Variants in RBFOX1 observed in about 807,000 individuals in gnomAD.
RBFOX1 encodes the protein RNA binding fox-1 homolog 1.
In RBFOX1, 8 loss-of-function variants were observed where a neutral mutation model predicts 57.7. That is an observed-to-expected ratio of 0.14 (90% CI 0.08 to 0.25). The LOEUF (loss-of-function observed/expected upper bound fraction) is 0.25, where lower values mean the gene tolerates loss of function less well. Among genes scored for constraint, RBFOX1 ranks in the 10% least tolerant of loss-of-function variants. The probability of loss-of-function intolerance (pLI) is 1.00; values close to 1 mark genes in which losing one functional copy is unlikely to be tolerated. For synonymous variants in RBFOX1, 326 were observed against 222.4 expected (o/e 1.47, Z -4.15); for missense variants, 611 against 548.5 (o/e 1.11, Z -1.14).
chr16:6,288,170 A>T (rs1047696610), intron 1 of RBFOX1, among the ~76,000 whole-genome samples: 3 of 152,172 alleles, frequency 2.0e-5, no homozygotes, highest in Admixed American at 1.3e-4. Context: ...TTAATAATGT[A>T]TCTCTATGTT....
intron 4 of RBFOX1, among the ~76,000 whole-genome samples, chr16:7,080,059 T>TTATATATATATATATACATA (rs201835325): frequency 3.0e-4 from 41 of 135,242 alleles, no homozygotes; most frequent in African/African-American, 9.5e-4. Context: ...TATATACATA[T>TTATATATATATATATACATA]TATATATATA....
chr16:7,285,129 A>C (rs2095624335), intron 4 of RBFOX1, among the ~76,000 whole-genome samples: 2 of 83,064 alleles, frequency 2.4e-5, no homozygotes, highest in African/African-American at 8.7e-5. Context: ...TATCCTTTAT[A>C]GCATTTACCA....
chr16:7,238,108 T>G (rs1185948646), intron 4 of RBFOX1, among the ~76,000 whole-genome samples: 1 of 152,236 alleles, frequency 6.6e-6, no homozygotes, highest in African/African-American at 2.4e-5. Flanking sequence ...ATTGCATGAT[T>G]CCACTTATAT....
intron 4 of RBFOX1, among the ~76,000 whole-genome samples, chr16:7,502,504 A>G (rs76694318): frequency 0.049 from 7,508 of 152,282 alleles, 276 homozygotes; most frequent in East Asian, 0.14. Flanking sequence ...GACTATGTTT[A>G]CGTACCCAGC....
At chr16:5,734,348 A>G (rs1424769200) in intron 3 of RBFOX1, among the ~76,000 whole-genome samples, 2 of 152,186 alleles carry the variant, frequency 1.3e-5, no homozygotes, top group Non-Finnish European at 2.9e-5. Flanking sequence ...GGATCACTTG[A>G]GCCCAGGGGT....
intron 2 of RBFOX1, among the ~76,000 whole-genome samples, chr16:5,493,368 G>T (rs1042400240): frequency 1.3e-5 from 2 of 152,090 alleles, no homozygotes; most frequent in Non-Finnish European, 2.9e-5. Context: ...CTGTTGCCCT[G>T]ATCTTAATCT....
At chr16:7,710,099 T>A in intron 15 of RBFOX1, 2 of 1,005,056 alleles carry the variant, frequency 2.0e-6, no homozygotes, top group Non-Finnish European at 2.4e-6. Flanking sequence ...TTGCACAAGC[T>A]TAATTACATC....
In RBFOX1 at chr16:7,174,278, A is replaced by G. The variant is rs181638186; in HGVS notation, c.27+122180A>G. 3.5e-3 allele frequency among the ~76,000 whole-genome samples: 527 copies of G among 152,202 alleles called. 1 individual carries two copies. The highest frequency in any genetic ancestry group is 5.3e-3 in the Non-Finnish European group (360 of 68,004). On this transcript the variant is annotated intron_variant, in intron 4 of 15. Transcript: ENST00000550418. ...TTTCTTTATTATTGAGTAATATTCC[A>G]TGGTATGGATGGACCACATTTTGTT...
chr16:7,438,076 G>C (rs1211141867), intron 4 of RBFOX1, among the ~76,000 whole-genome samples: 1 of 152,114 alleles, frequency 6.6e-6, no homozygotes, highest in East Asian at 1.9e-4. Context: ...TCTGAGATGG[G>C]ACTTGCTCCG....
At chr16:7,478,755 C>T (rs561273453) in intron 4 of RBFOX1, among the ~76,000 whole-genome samples, 12 of 152,140 alleles carry the variant, frequency 7.9e-5, no homozygotes, top group Non-Finnish European at 1.8e-4. Context: ...AAACTGACTC[C>T]GCTTATTGCT....
intron 3 of RBFOX1, among the ~76,000 whole-genome samples, chr16:6,911,187 A>G (rs1055990748): frequency 3.3e-5 from 4 of 119,790 alleles, no homozygotes; most frequent in Non-Finnish European, 6.8e-5. Context: ...GGGCAACAAG[A>G]GTAAAATTGT....
chr16:7,327,559 A>G (rs79984091), intron 4 of RBFOX1, among the ~76,000 whole-genome samples: 223 of 152,306 alleles, frequency 1.5e-3, no homozygotes, highest in African/African-American at 5.1e-3. Flanking sequence ...ACTCTGTTTT[A>G]TGCATTTTGT....
chr16:6,617,670 C>A, intron 2 of RBFOX1, among the ~76,000 whole-genome samples: 1 of 152,042 alleles, frequency 6.6e-6, no homozygotes. Context: ...GGTTTTGACT[C>A]TCAGGGAGCC....
intron 1 of RBFOX1, among the ~76,000 whole-genome samples, chr16:5,370,425 A>G (rs1243564149): frequency 6.6e-6 from 1 of 150,888 alleles, no homozygotes; most frequent in Non-Finnish European, 1.5e-5. Context: ...TGTCTGGGGC[A>G]AAGATGGTTA....
chr16:5,581,126 G>C (rs184262654), intron 2 of RBFOX1, among the ~76,000 whole-genome samples: 1 of 152,320 alleles, frequency 6.6e-6, no homozygotes, highest in Admixed American at 6.5e-5. Context: ...GACAGATCCA[G>C]AGGAGAAGGG....
chr16:6,224,360 T>C (rs1020653182), intron 1 of RBFOX1, among the ~76,000 whole-genome samples: 8 of 152,180 alleles, frequency 5.3e-5, no homozygotes, highest in African/African-American at 7.2e-5. Context: ...CTTCTGTTTG[T>C]ATCCTTTTTT....
chr16:6,682,399 A>T (rs2286969), intron 3 of RBFOX1, among the ~76,000 whole-genome samples: 4 of 151,050 alleles, frequency 2.6e-5, no homozygotes, highest in Non-Finnish European at 4.4e-5. Flanking sequence ...TCTTGGGGAA[A>T]TTGTGAAGAC....
intron 3 of RBFOX1, among the ~76,000 whole-genome samples, chr16:5,662,123 T>G (rs2049673336): frequency 6.6e-6 from 1 of 152,206 alleles, no homozygotes; most frequent in African/African-American, 2.4e-5. Flanking sequence ...GTTTGGACCC[T>G]TTGACAAACA....
At chr16:7,187,490 C>G (rs930482701) in intron 4 of RBFOX1, among the ~76,000 whole-genome samples, 3 of 151,392 alleles carry the variant, frequency 2.0e-5, no homozygotes, top group African/African-American at 7.3e-5. Flanking sequence ...GAGATCGAGA[C>G]CATCCTGGCT....
Sources: allele counts gnomAD v4.1 joint callset (sites outside exome capture counted in the v4.1 genomes callset), GRCh38; gene constraint gnomAD v4.1.1; transcripts MANE v1.5; gene names NCBI Gene and HGNC (gene_info 2026-07-23, HGNC 2026-07-21).